VWA8: variants seen among roughly 807,000 people sequenced by gnomAD.
VWA8 encodes the protein von Willebrand factor A domain-containing protein 8.
Under a neutral mutation model 241.5 loss-of-function variants are expected in VWA8, and 221 were observed. The ratio of observed to expected loss-of-function variants is 0.91; its 90% CI spans 0.82 to 1.02. VWA8 has a LOEUF of 1.02. Ranked by LOEUF, VWA8 falls within the 50% of genes least tolerant of loss-of-function variation. The pLI is 0.00. For missense variants in VWA8, 2,322 were observed against 2,328.7 expected (o/e 1.00, Z 0.06); for synonymous variants, 852 against 827.1 (o/e 1.03, Z -0.52).
chr13:41,669,513 G>A (rs529957764), intron 37 of VWA8, among the ~76,000 whole-genome samples: 298 of 152,260 alleles, frequency 2.0e-3, no homozygotes, highest in African/African-American at 7.0e-3. Context: ...GAAGTAACTG[G>A]AAGAGAAGGC....
chr13:41,622,939 G>A (rs1194859464), intron 37 of VWA8, among the ~76,000 whole-genome samples: 2 of 152,184 alleles, frequency 1.3e-5, no homozygotes, highest in African/African-American at 4.8e-5. Flanking sequence ...CCTACCTCAC[G>A]TTCATTTCCT....
At chr13:41,936,826 T>G (rs1280508649) in intron 2 of VWA8, among the ~76,000 whole-genome samples, 1 of 152,178 alleles carries the variant, frequency 6.6e-6, no homozygotes, top group African/African-American at 2.4e-5. Context: ...CCTTCCATAA[T>G]ATATACATAT....
chr13:41,856,852 AAAG>A (rs1466130970), intron 12 of VWA8, among the ~76,000 whole-genome samples: 17 of 151,682 alleles, frequency 1.1e-4, no homozygotes, highest in Admixed American at 8.5e-4. Context: ...AAAAAAAAAA[AAAG>A]AAAGAAACTT....
intron 17 of VWA8, among the ~76,000 whole-genome samples, chr13:41,796,990 C>G (rs1413561226): frequency 6.6e-6 from 1 of 151,994 alleles, no homozygotes; most frequent in East Asian, 1.9e-4. Context: ...ATGTGATCTT[C>G]ATGACAAATA....
chr13:41,648,757 G>A (rs1055707355), intron 37 of VWA8, among the ~76,000 whole-genome samples: 1 of 152,112 alleles, frequency 6.6e-6, no homozygotes, highest in Non-Finnish European at 1.5e-5. Context: ...TAGAAGCACG[G>A]TACTGCTAAA....
intron 42 of VWA8, among the ~76,000 whole-genome samples, chr13:41,585,292 C>T (rs1002486429): frequency 6.6e-6 from 1 of 152,208 alleles, no homozygotes; most frequent in African/African-American, 2.4e-5. Flanking sequence ...TACCACCTCC[C>T]TGGAGGCATC....
chr13:41,865,541 C>T, intron 12 of VWA8, 195 bp downstream of exon 12: 1 of 566,098 alleles, frequency 1.8e-6, no homozygotes, highest in Non-Finnish European at 3.0e-6. Context: ...TTGTGCACAT[C>T]AGATATCCTA....
chr13:41,898,566 G>GT (rs1875254884), intron 4 of VWA8, among the ~76,000 whole-genome samples: 1 of 152,256 alleles, frequency 6.6e-6, no homozygotes, highest in South Asian at 2.1e-4. Flanking sequence ...TGCCAGTCCT[G>GT]CGCCATGCGC....
intron 26 of VWA8, among the ~76,000 whole-genome samples, chr13:41,715,382 TA>T (rs761649599): frequency 1.1e-4 from 16 of 152,012 alleles, no homozygotes; most frequent in Non-Finnish European, 1.8e-4. Flanking sequence ...GAGCGACATA[TA>T]AATTTAAGAT....
chr13:41,669,986 C>T (rs2045011742), intron 37 of VWA8, among the ~76,000 whole-genome samples: 1 of 152,030 alleles, frequency 6.6e-6, no homozygotes, highest in Non-Finnish European at 1.5e-5. Flanking sequence ...AATGTTCCTA[C>T]AAGCTTTTAA....
chr13:41,640,062 C>CCTA (rs1314527243), intron 37 of VWA8, among the ~76,000 whole-genome samples: 2 of 152,120 alleles, frequency 1.3e-5, no homozygotes, highest in Non-Finnish European at 2.9e-5. Flanking sequence ...TCAAGAGAGC[C>CCTA]CTATGTAGCC....
chr13:41,924,511 G>T (rs1258050049), intron 2 of VWA8, among the ~76,000 whole-genome samples: 2 of 152,034 alleles, frequency 1.3e-5, no homozygotes, highest in Non-Finnish European at 2.9e-5. Flanking sequence ...AAAGAGTGAA[G>T]ACAGCCCATG....
intron 12 of VWA8, among the ~76,000 whole-genome samples, chr13:41,841,649 G>A (rs1021966979): frequency 6.7e-6 from 1 of 149,108 alleles, no homozygotes; most frequent in Non-Finnish European, 1.5e-5. Flanking sequence ...AGCCGGGTGT[G>A]GTGGCGGGCG....
chr13:41,606,946 T>C (rs1228093412), intron 39 of VWA8, among the ~76,000 whole-genome samples: 1 of 152,140 alleles, frequency 6.6e-6, no homozygotes, highest in Non-Finnish European at 1.5e-5. Flanking sequence ...ACTCGCATAC[T>C]TTATTGCTTT....
intron 21 of VWA8, among the ~76,000 whole-genome samples, chr13:41,734,911 G>A (rs1169574995): frequency 6.6e-6 from 1 of 152,154 alleles, no homozygotes; most frequent in Non-Finnish European, 1.5e-5. Context: ...TAAACTTTTA[G>A]TATGAATAAA....
At chr13:41,935,950 C>G (rs540068525) in intron 2 of VWA8, among the ~76,000 whole-genome samples, 2 of 152,076 alleles carry the variant, frequency 1.3e-5, no homozygotes. Flanking sequence ...CACTGATAGA[C>G]TCAGGTTGCT....
intron 39 of VWA8, among the ~76,000 whole-genome samples, chr13:41,609,418 A>G (rs1371973270): frequency 6.6e-6 from 1 of 152,208 alleles, no homozygotes; most frequent in African/African-American, 2.4e-5. Context: ...ATGCAGATAC[A>G]CTTGGAAATA....
chr13:41,781,778 C>CCA (rs757050912), intron 19 of VWA8, among the ~76,000 whole-genome samples: 2 of 152,296 alleles, frequency 1.3e-5, no homozygotes, highest in East Asian at 3.9e-4. Flanking sequence ...TTTTATTAAT[C>CCA]CACTAAACAC....
At chr13:41,789,875 T>G (rs530790427) in intron 17 of VWA8, among the ~76,000 whole-genome samples, 1 of 152,332 alleles carries the variant, frequency 6.6e-6, no homozygotes, top group Admixed American at 6.5e-5. Context: ...ATATTTAAGA[T>G]AATTTATGGT....
Sources: gnomAD v4.1 joint callset for allele counts (sites outside exome capture counted in the v4.1 genomes callset) on GRCh38, gnomAD v4.1.1 for gene constraint, MANE v1.5 for transcripts, NCBI Gene and HGNC (gene_info 2026-07-23, HGNC 2026-07-21) for gene names.